Variants in DTWD2 observed in about 807,000 individuals in gnomAD.
DTWD2 encodes tRNA-uridine aminocarboxypropyltransferase 2.
A neutral mutation model predicts 31.8 loss-of-function variants in DTWD2; 39 were observed. The observed-to-expected ratio is 1.22, with a 90% CI of 0.95 to 1.60. The LOEUF is 1.60. Ranked by LOEUF, DTWD2 falls within the 40% of genes most tolerant of loss-of-function variation. The probability of loss-of-function intolerance (pLI) is 0.00; values close to 1 mark genes in which losing one functional copy is unlikely to be tolerated. For missense variants in DTWD2, 515 were observed against 381.5 expected, an observed-to-expected ratio of 1.35 and a Z score of -2.92; for synonymous variants, 180 against 142.8, an observed-to-expected ratio of 1.26 and a Z score of -1.86.
intron 3 of DTWD2, 43 bp from the exon 4 acceptor site, chr5:118,928,772 G>GAAAAAAAAA (rs1561459239): frequency 7.0e-7 from 1 of 1,423,270 alleles, no homozygotes. Flanking sequence ...AGCTTGTGAG[G>GAAAAAAAAA]AAAAAAGGTT....
intron 4 of DTWD2, among the ~76,000 whole-genome samples, chr5:118,890,518 G>C (rs1232469536): frequency 7.0e-6 from 1 of 142,540 alleles, no homozygotes; most frequent in Non-Finnish European, 1.5e-5. Flanking sequence ...TATTTCAGAA[G>C]TCAAATAAAT....
At chr5:118,925,439 C>T (rs2149577335) in intron 4 of DTWD2, among the ~76,000 whole-genome samples, 1 of 152,236 alleles carries the variant, frequency 6.6e-6, no homozygotes, top group Non-Finnish European at 1.5e-5. Context: ...AATAGCGTGG[C>T]TAATGCTCTT....
chr5:118,884,231 C>T (rs920574731), intron 4 of DTWD2, among the ~76,000 whole-genome samples: 2 of 152,112 alleles, frequency 1.3e-5, no homozygotes, highest in Non-Finnish European at 2.9e-5. Context: ...CATGTAGTTC[C>T]TTTTGTATGT....
At chr5:118,900,862 T>G in intron 4 of DTWD2, among the ~76,000 whole-genome samples, 1 of 151,670 alleles carries the variant, frequency 6.6e-6, no homozygotes, top group East Asian at 1.9e-4. Context: ...GAGGCAGAGC[T>G]TGCAGTGACC....
rs1194567206 is a variant in DTWD2, at chr5:118,988,499, T to C, written c.13A>G (p.Lys5Glu). 10 of 1,577,142 alleles carry C rather than the reference T, an allele frequency of 6.3e-6. No individual in the cohort carries two copies. The highest frequency in any genetic ancestry group is 3.6e-5 in the Admixed American group (2 of 55,220). Residue 5 changes from lysine to glutamate, a missense_variant, in exon 1 of 6, where the codon AAA becomes GAA. By Grantham distance (56) the Lys-to-Glu change is moderately conservative. Coordinates refer to ENST00000510708, the MANE Select transcript of DTWD2 (RefSeq NM_173666.4). ...GGCTCCTGGAGTGTTCGTGCCTCTT[T>C]CTGCGACTCCATGGCGGACACTCCG... is the stretch of plus-strand genomic sequence containing the variant. MESQ[K>E]EARTLQEPVA...
intron 4 of DTWD2, among the ~76,000 whole-genome samples, chr5:118,926,306 A>G (rs1753806804): frequency 6.6e-6 from 1 of 152,130 alleles, no homozygotes; most frequent in Admixed American, 6.5e-5. Flanking sequence ...GGAATGGAAA[A>G]CCAAATTCCG....
At chr5:118,953,737 C>T (rs546348734) in intron 1 of DTWD2, among the ~76,000 whole-genome samples, 1 of 152,282 alleles carries the variant, frequency 6.6e-6, no homozygotes, top group Non-Finnish European at 1.5e-5. Context: ...CTGAGCTGGA[C>T]TGCTATGCCA....
intron 5 of DTWD2, among the ~76,000 whole-genome samples, chr5:118,845,833 C>T (rs1452619917): frequency 6.6e-6 from 1 of 152,162 alleles, no homozygotes; most frequent in Non-Finnish European, 1.5e-5. Context: ...CAAGTTGTCA[C>T]AATAAGGATT....
chr5:118,953,296 C>A (rs937615740), intron 1 of DTWD2, among the ~76,000 whole-genome samples: 1 of 152,186 alleles, frequency 6.6e-6, no homozygotes, highest in Non-Finnish European at 1.5e-5. Context: ...GACTTGAATT[C>A]ATTCGTATCT....
At chr5:118,864,806 CTTA>C (rs1370586549) in intron 4 of DTWD2, among the ~76,000 whole-genome samples, 2 of 151,984 alleles carry the variant, frequency 1.3e-5, no homozygotes, top group African/African-American at 4.8e-5. Flanking sequence ...TTCTAGCAGA[CTTA>C]TTATGTGTAA....
chr5:118,978,448 A>C (rs1006959442), intron 1 of DTWD2, among the ~76,000 whole-genome samples: 1 of 152,214 alleles, frequency 6.6e-6, no homozygotes, highest in Admixed American at 6.5e-5. Context: ...CAACCTACAG[A>C]ATGGGAGAAA....
At chr5:118,913,788 T>A (rs1249249338) in intron 4 of DTWD2, among the ~76,000 whole-genome samples, 1 of 151,920 alleles carries the variant, frequency 6.6e-6, no homozygotes, top group African/African-American at 2.4e-5. Flanking sequence ...TAAAACCAAA[T>A]AAAACTGTTT....
At chr5:118,919,422 A>AT (rs1753652548) in intron 4 of DTWD2, among the ~76,000 whole-genome samples, 1 of 152,190 alleles carries the variant, frequency 6.6e-6, no homozygotes, top group Non-Finnish European at 1.5e-5. Context: ...ATGCAAACTA[A>AT]TGGCTTCTTT....
At chr5:118,884,507 A>G (rs1398721591) in intron 4 of DTWD2, among the ~76,000 whole-genome samples, 2 of 152,220 alleles carry the variant, frequency 1.3e-5, no homozygotes, top group Non-Finnish European at 2.9e-5. Flanking sequence ...TTCATCAAAT[A>G]CATATTTAAA....
At chr5:118,959,559 C>T (rs1754662487) in intron 1 of DTWD2, among the ~76,000 whole-genome samples, 1 of 152,152 alleles carries the variant, frequency 6.6e-6, no homozygotes, top group Non-Finnish European at 1.5e-5. Context: ...CTATTTCTAT[C>T]AAACTACCAA....
chr5:118,898,396 G>A (rs936335820), intron 4 of DTWD2, among the ~76,000 whole-genome samples: 3 of 151,960 alleles, frequency 2.0e-5, no homozygotes, highest in East Asian at 3.9e-4. Context: ...AGTGGCTCAC[G>A]CCTGTAATCC....
intron 1 of DTWD2, among the ~76,000 whole-genome samples, chr5:118,961,284 C>T (rs1452602798): frequency 2.6e-5 from 4 of 152,128 alleles, no homozygotes; most frequent in Non-Finnish European, 4.4e-5. Context: ...TTACTTACTT[C>T]CTTTCTTTTT....
intron 2 of DTWD2, among the ~76,000 whole-genome samples, chr5:118,942,551 C>T (rs1036060298): frequency 2.6e-5 from 4 of 151,496 alleles, no homozygotes; most frequent in Non-Finnish European, 5.9e-5. Flanking sequence ...GGCTCACGCC[C>T]GTAATCCTAG....
intron 5 of DTWD2, among the ~76,000 whole-genome samples, chr5:118,842,617 G>C (rs112087103): frequency 8.5e-5 from 13 of 152,148 alleles, no homozygotes; most frequent in African/African-American, 3.1e-4. Flanking sequence ...ACTGCAGTAA[G>C]GGCTCTCTTA....
Sources: gnomAD v4.1 joint callset for allele counts (sites outside exome capture counted in the v4.1 genomes callset) on GRCh38, gnomAD v4.1.1 for gene constraint, MANE v1.5 for transcripts, NCBI Gene and HGNC (gene_info 2026-07-23, HGNC 2026-07-21) for gene names.